The following PCDH19 variants were observed in gnomAD, a reference collection of about 807,000 sequenced individuals.
PCDH19 encodes protocadherin-19.
A neutral mutation model predicts 46.2 loss-of-function variants in PCDH19; 6 were observed. That is an observed-to-expected ratio of 0.13 (90% CI 0.07 to 0.26). The LOEUF is 0.26. Among genes scored for constraint, PCDH19 ranks in the 10% least tolerant of loss-of-function variants. The pLI, the probability that PCDH19 is intolerant of heterozygous loss-of-function variation, is 1.00. For synonymous variants in PCDH19, 481 were observed against 415.7 expected, an observed-to-expected ratio of 1.16 and a Z score of -1.91; for missense variants, 740 against 972.3, an observed-to-expected ratio of 0.76 and a Z score of 3.18.
chrX:100,360,425 G>A (rs183102106), intron 3 of PCDH19, among the ~76,000 whole-genome samples: 4 of 112,082 alleles, frequency 3.6e-5, no homozygotes, highest in African/African-American at 1.3e-4. Context: ...TCTTGTTTGT[G>A]ATCAATGAAA....
intron 3 of PCDH19, among the ~76,000 whole-genome samples, chrX:100,397,839 G>A (rs1021235751): frequency 1.2e-4 from 13 of 111,866 alleles, no homozygotes; most frequent in African/African-American, 2.9e-4. Flanking sequence ...CCATAAGACC[G>A]GAAGAAAAAT....
At chrX:100,336,862 G>A (rs1451287914) in intron 5 of PCDH19, among the ~76,000 whole-genome samples, 1 of 111,527 alleles carries the variant, frequency 9.0e-6, no homozygotes, top group Non-Finnish European at 1.9e-5. Context: ...CTGAGCTTGG[G>A]ACTAGTGTAC....
At chrX:100,324,650 G>A (rs1925623057) in intron 5 of PCDH19, among the ~76,000 whole-genome samples, 1 of 112,148 alleles carries the variant, frequency 8.9e-6, no homozygotes, top group African/African-American at 3.2e-5. Flanking sequence ...CCAAGTAAAG[G>A]AGAGATCAGG....
chrX:100,329,441 T>C (rs1248214062), intron 5 of PCDH19, among the ~76,000 whole-genome samples: 1 of 112,058 alleles, frequency 8.9e-6, no homozygotes, highest in African/African-American at 3.2e-5. Flanking sequence ...GTGATGAGCA[T>C]TGAGTCAAGC....
intron 3 of PCDH19, among the ~76,000 whole-genome samples, chrX:100,393,459 T>C (rs369368865): frequency 2.0e-5 from 2 of 98,664 alleles, no homozygotes; most frequent in East Asian, 6.7e-4. Context: ...TCTCTCTCCT[T>C]TCCCCCTCTC....
chrX:100,297,122 G>T (rs1435756622), intron 5 of PCDH19, among the ~76,000 whole-genome samples: 1 of 111,210 alleles, frequency 9.0e-6, no homozygotes, highest in African/African-American at 3.3e-5. Context: ...AGGGAAACAC[G>T]TTATGATGAA....
chrX:100,373,599 G>GA (rs1272196631), intron 3 of PCDH19, among the ~76,000 whole-genome samples: 3 of 111,996 alleles, frequency 2.7e-5, no homozygotes, highest in Non-Finnish European at 3.8e-5. Flanking sequence ...TCCTTTCTTC[G>GA]AAAAAAGAGC....
chrX:100,314,986 T>A (rs1406172936), intron 5 of PCDH19, among the ~76,000 whole-genome samples: 2 of 111,715 alleles, frequency 1.8e-5, no homozygotes, highest in Non-Finnish European at 3.8e-5. Flanking sequence ...CCTTCCCTCA[T>A]CACAGCAAAT....
chrX:100,391,399 G>A (rs1407822414), intron 3 of PCDH19, among the ~76,000 whole-genome samples: 1 of 111,779 alleles, frequency 8.9e-6, no homozygotes, highest in Non-Finnish European at 1.9e-5. Context: ...TATTTGAACA[G>A]AGAGGCTCTG....
chrX:100,371,849 TACACACACAC>T (rs56125276), intron 3 of PCDH19, among the ~76,000 whole-genome samples: 3 of 80,749 alleles, frequency 3.7e-5, no homozygotes, highest in African/African-American at 1.5e-4. Context: ...CAAATGACTA[TACACACACAC>T]ACACACACAC....
chrX:100,328,534 C>CATCTA (rs1337621733), intron 5 of PCDH19, among the ~76,000 whole-genome samples: 1 of 111,535 alleles, frequency 9.0e-6, no homozygotes, highest in Non-Finnish European at 1.9e-5. Flanking sequence ...GCAAAGCACA[C>CATCTA]ATCTAACCCC....
intron 5 of PCDH19, among the ~76,000 whole-genome samples, chrX:100,335,803 C>G (rs1201163733): frequency 9.0e-6 from 1 of 111,603 alleles, no homozygotes; most frequent in Non-Finnish European, 1.9e-5. Flanking sequence ...TGATATATAT[C>G]TGTTCATGGT....
At chrX:100,381,683 C>G (rs1292003688) in intron 3 of PCDH19, among the ~76,000 whole-genome samples, 4 of 112,239 alleles carry the variant, frequency 3.6e-5, no homozygotes, top group Middle Eastern at 4.6e-3. Flanking sequence ...GTAGGGAGAT[C>G]TGTTTAGTGC....
intron 3 of PCDH19, among the ~76,000 whole-genome samples, chrX:100,359,529 T>C (rs1417821471): frequency 9.0e-6 from 1 of 111,094 alleles, no homozygotes; most frequent in Non-Finnish European, 1.9e-5. Context: ...TGATGGTGGT[T>C]TCAATTTTAG....
In PCDH19 at chrX:100,406,547, G is replaced by A. The variant is rs1928352526; in HGVS notation, c.2051C>T (p.Ala684Val). ...SVNLSLIFII[A>V]LGSIAGILFV... ...GAGGATGCCCGCAATGGAGCCCAGGGCAATAATGAAAATCAAGGACAAGTT... is the reference window on the plus strand; with the variant it reads ...GAGGATGCCCGCAATGGAGCCCAGGACAATAATGAAAATCAAGGACAAGTT... Residue 684 changes from alanine to valine, a missense_variant, in exon 1 of 6, where the codon GCC becomes GTC. This residue lies in a region of PCDH19 where 416 missense variants were observed against 476.8 expected (regional missense o/e 0.87). Coordinates refer to ENST00000373034, the MANE Select transcript of PCDH19 (RefSeq NM_001184880.2). 1 of 1,207,724 alleles carries A rather than the reference G, an allele frequency of 8.3e-7. No homozygotes were observed. The highest frequency in any genetic ancestry group is 2.2e-5 in the Admixed American group (1 of 45,670).
intron 3 of PCDH19, among the ~76,000 whole-genome samples, chrX:100,401,615 G>A (rs1489943587): frequency 9.3e-6 from 1 of 107,783 alleles, no homozygotes; most frequent in African/African-American, 3.4e-5. Flanking sequence ...TTGTGCCATT[G>A]CACTCTAGCC....
chrX:100,380,573 CAAACT>C (rs763330674), intron 3 of PCDH19, among the ~76,000 whole-genome samples: 20 of 111,463 alleles, frequency 1.8e-4, no homozygotes, highest in Non-Finnish European at 3.4e-4. Context: ...CATAGTAAAG[CAAACT>C]AAACTATTCA....
At chrX:100,311,570 A>C (rs1925132892) in intron 5 of PCDH19, among the ~76,000 whole-genome samples, 1 of 111,274 alleles carries the variant, frequency 9.0e-6, no homozygotes, top group Non-Finnish European at 1.9e-5. Context: ...CTTGACTACC[A>C]ATATGTTCCT....
chrX:100,331,155 C>T (rs1436673709), intron 5 of PCDH19, among the ~76,000 whole-genome samples: 1 of 111,933 alleles, frequency 8.9e-6, no homozygotes, highest in African/African-American at 3.3e-5. Flanking sequence ...CAGTGTTTAC[C>T]ACAAAACCTA....
Sources: allele counts gnomAD v4.1 joint callset (sites outside exome capture counted in the v4.1 genomes callset), GRCh38; gene constraint gnomAD v4.1.1; regional missense constraint gnomAD v4.1.1; transcripts MANE v1.5; gene names NCBI Gene and HGNC (gene_info 2026-07-23, HGNC 2026-07-21).